UBR2: variants seen among roughly 807,000 people sequenced by gnomAD.
UBR2 encodes E3 ubiquitin-protein ligase UBR2.
Under a neutral mutation model 247.9 loss-of-function variants are expected in UBR2, and 92 were observed. The observed-to-expected ratio is 0.37, with a 90% CI of 0.31 to 0.44. The LOEUF (loss-of-function observed/expected upper bound fraction) is 0.44, where lower values mean the gene tolerates loss of function less well. Among genes scored for constraint, UBR2 ranks in the 20% least tolerant of loss-of-function variants. UBR2 has a pLI of 1.00. For missense variants in UBR2, 1,613 were observed against 2,112.6 expected, an observed-to-expected ratio of 0.76 and a Z score of 4.64; for synonymous variants, 672 against 693.5, an observed-to-expected ratio of 0.97 and a Z score of 0.49.
At chr6:42,595,062 CAG>C (rs1201754758) in intron 4 of UBR2, among the ~76,000 whole-genome samples, 2 of 152,076 alleles carry the variant, frequency 1.3e-5, no homozygotes, top group Admixed American at 1.3e-4. Context: ...TTATGGGGCA[CAG>C]TGTGATATTT....
chr6:42,629,416 G>A (rs1213270106), intron 11 of UBR2, among the ~76,000 whole-genome samples: 1 of 150,500 alleles, frequency 6.6e-6, no homozygotes. Flanking sequence ...CACTTTGGGA[G>A]GCCGAGGCAG....
At chr6:42,646,926 A>G (rs1796801233) in intron 21 of UBR2, among the ~76,000 whole-genome samples, 1 of 151,814 alleles carries the variant, frequency 6.6e-6, no homozygotes, top group East Asian at 1.9e-4. Flanking sequence ...AGTTCAAGCA[A>G]TTCTCATGCC....
chr6:42,644,422 G>A lies in UBR2; in HGVS notation c.2221-51G>A, dbSNP rs1476142176. 1.9e-6 allele frequency: 3 copies of A among 1,602,676 alleles called. No homozygotes were observed. In the African/African-American group the frequency reaches 4.0e-5, roughly 21 times the overall value. ...GGATATGTTAATCCTCTGAGATTAT[G>A]CAATATGCATATTCTTATCTCTGAA... On this transcript the variant is annotated intron_variant, in intron 19 of 46. Coordinates refer to ENST00000372901, the MANE Select transcript of UBR2 (RefSeq NM_001363705.2).
rs1562303969 is a variant in UBR2, at chr6:42,607,695, TCCCACCACTCCCAGC to T, written c.864+1045_864+1059del. On this transcript the variant is annotated intron_variant, in intron 7 of 46. Coordinates refer to ENST00000372901, the MANE Select transcript of UBR2 (RefSeq NM_001363705.2). ...ACTCCCAGCTGGGAGGACAGGCATG[TCCCACCACTCCCAGC>T]TGTTTTTTTTTTTTTTTTTTTTTTA... Among the ~76,000 whole-genome samples the T allele has an allele frequency of 6.0e-4, 60 of 100,364 alleles. 1 individual carries two copies. Among genetic ancestry groups the T allele is most frequent in the African/African-American group, 6.8e-4 (12 of 17,708 alleles). The allele number at this position is 100,364 out of a possible 152,430, so 65.8% of individuals were successfully genotyped here. A position where few individuals can be genotyped will look rare whatever the true frequency, so the allele number is the denominator to read the frequency against.
intron 4 of UBR2, among the ~76,000 whole-genome samples, chr6:42,600,146 T>C (rs1793267051): frequency 6.6e-6 from 1 of 152,184 alleles, no homozygotes; most frequent in Admixed American, 6.5e-5. Context: ...TTTATTGTAA[T>C]ACATGCTTGC....
chr6:42,641,525 C>A, intron 16 of UBR2, 57 bp from the exon 17 acceptor site: 1 of 1,332,418 alleles, frequency 7.5e-7, no homozygotes, highest in Non-Finnish European at 1.0e-6. Flanking sequence ...CTTTTTAGAA[C>A]TGATTTTATG....
chr6:42,622,695 C>T (rs1032459462), intron 11 of UBR2, among the ~76,000 whole-genome samples: 2 of 152,094 alleles, frequency 1.3e-5, no homozygotes, highest in Non-Finnish European at 2.9e-5. Flanking sequence ...TGAGCCACCG[C>T]ACCTGGCCTG....
At chr6:42,640,155 C>A in intron 15 of UBR2, 54 bp from the exon 16 acceptor site, 1 of 1,456,378 alleles carries the variant, frequency 6.9e-7, no homozygotes, top group South Asian at 1.2e-5. Flanking sequence ...GGGTATTTTT[C>A]CTAAATGATT....
rs904042177 is a variant in UBR2, at chr6:42,659,757, A to G, written c.3344A>G (p.Gln1115Arg). 13 of 1,614,210 alleles carry G rather than the reference A, an allele frequency of 8.1e-6. No individual in the cohort carries two copies. Among genetic ancestry groups the G allele is most frequent in the Non-Finnish European group, 1.1e-5 (13 of 1,180,024 alleles). ...ACATGTATATTGTGTCAAGAGGAGC[A>G]AGAAGTTAAAGTGGAAAGCAGGGCA... ...FVTCILCQEE[Q>R]EVKVESRAMV... The change falls in exon 30 of 47, where the codon CAA (glutamine) becomes CGA (arginine). Residue 1115 changes from glutamine to arginine, a missense_variant. By Grantham distance (43) the Gln-to-Arg change is conservative (BLOSUM62 1). Around this residue, in one of 3 missense-constraint regions of UBR2, gnomAD observed 1,524 missense variants for 1,967.3 expected, o/e 0.77. Transcript: ENST00000372901. The surrounding 1 kb of genome is among the most constrained non-coding windows in gnomAD (Gnocchi z 4.3).
At chr6:42,650,413 A>G (rs1797045752) in intron 23 of UBR2, 27 bp downstream of exon 23, 3 of 1,572,764 alleles carry the variant, frequency 1.9e-6, no homozygotes, top group Admixed American at 1.7e-5. Flanking sequence ...AAAATGTAGC[A>G]GGGAAGGATT....
chr6:42,625,676 C>G (rs1795295439), intron 11 of UBR2, among the ~76,000 whole-genome samples: 1 of 152,140 alleles, frequency 6.6e-6, no homozygotes, highest in Non-Finnish European at 1.5e-5. Flanking sequence ...TCTCAAGCTC[C>G]TGGCCTCATG....
chr6:42,677,845 G>T (rs1798800428), intron 40 of UBR2, among the ~76,000 whole-genome samples: 1 of 152,162 alleles, frequency 6.6e-6, no homozygotes, highest in South Asian at 2.1e-4. Flanking sequence ...GTTTGCAGGG[G>T]AATAGTTTGA....
At chr6:42,630,153 G>GTAGTAGTAA (rs1361247716) in intron 11 of UBR2, among the ~76,000 whole-genome samples, 5 of 150,350 alleles carry the variant, frequency 3.3e-5, no homozygotes, top group African/African-American at 1.2e-4. Context: ...AGTAGTAGTA[G>GTAGTAGTAA]TAGTAGTAAT....
At chr6:42,605,117 C>T (rs1582508684) in intron 5 of UBR2, among the ~76,000 whole-genome samples, 1 of 152,260 alleles carries the variant, frequency 6.6e-6, no homozygotes, top group South Asian at 2.1e-4. Flanking sequence ...CTAATCTCCC[C>T]CTTCTTCCTT....
rs528646455 is a variant in UBR2 at position 42,667,704 on chromosome 6, A to ATTTT, written c.3881+1471_3881+1474dup. ...TTTTTCATGTACTTGTTTTCTATGT[A>ATTTT]TTTTTTTTTTTTTTTCTGAATGGTG... On this transcript the variant is annotated intron_variant, in intron 34 of 46. Transcript: ENST00000372901. Among the ~76,000 whole-genome samples, 445 of 70,278 alleles carry ATTTT rather than the reference A, an allele frequency of 6.3e-3. 9 individuals are homozygous for ATTTT. Among genetic ancestry groups the ATTTT allele is most frequent in the African/African-American group, 0.027 (430 of 15,736 alleles). 46.1% of individuals were successfully genotyped at this position (70,278 alleles called of 152,430 possible).
intron 11 of UBR2, among the ~76,000 whole-genome samples, chr6:42,621,579 C>T (rs1794999279): frequency 6.6e-6 from 1 of 152,112 alleles, no homozygotes; most frequent in Admixed American, 6.5e-5. Context: ...TCTCCTGCCT[C>T]AGCCTCCCAA....
At chr6:42,583,991 AATTT>A (rs1471484222) in intron 2 of UBR2, among the ~76,000 whole-genome samples, 3 of 103,566 alleles carry the variant, frequency 2.9e-5, no homozygotes, top group Non-Finnish European at 5.6e-5. Flanking sequence ...CTCCCCATTG[AATTT>A]TTTTTTTTTT....
chr6:42,640,437 T>A (rs1283247740), intron 16 of UBR2, among the ~76,000 whole-genome samples, 167 bp downstream of exon 16: 1 of 140,236 alleles, frequency 7.1e-6, no homozygotes, highest in Non-Finnish European at 1.6e-5. Flanking sequence ...TGTGTGTGTA[T>A]AGATACATAT....
At chr6:42,603,046 C>G (rs1011942191) in intron 4 of UBR2, among the ~76,000 whole-genome samples, 18 of 152,016 alleles carry the variant, frequency 1.2e-4, no homozygotes, top group African/African-American at 3.9e-4. Context: ...TATGAAGTTC[C>G]CTATTAACAT....
Sources: allele counts gnomAD v4.1 joint callset (sites outside exome capture counted in the v4.1 genomes callset), GRCh38; gene constraint gnomAD v4.1.1; regional missense constraint gnomAD v4.1.1; non-coding constraint Gnocchi (gnomAD v3.1); transcripts MANE v1.5; gene names NCBI Gene and HGNC (gene_info 2026-07-23, HGNC 2026-07-21).